Variants in GPR161 observed in about 807,000 individuals in gnomAD.
GPR161 encodes the protein G-protein coupled receptor RE2.
Under a neutral mutation model 39.2 loss-of-function variants are expected in GPR161, and 25 were observed. The observed-to-expected ratio is 0.64, with a 90% CI of 0.47 to 0.89. GPR161 has a LOEUF of 0.89. GPR161 is among the 40% of genes least tolerant of loss of function. The pLI is 0.00. For missense variants in GPR161, 547 were observed against 677.8 expected, an observed-to-expected ratio of 0.81 and a Z score of 2.14; for synonymous variants, 286 against 276.6, an observed-to-expected ratio of 1.03 and a Z score of -0.34.
At chr1:168,129,366 G>A (rs912261189) in intron 1 of GPR161, among the ~76,000 whole-genome samples, 1 of 152,178 alleles carries the variant, frequency 6.6e-6, no homozygotes, top group South Asian at 2.1e-4. Flanking sequence ...ACAGTCGGGG[G>A]CCAGATTACA....
chr1:168,087,751 C>T (rs1247395672), intron 4 of GPR161, 47 bp from the exon 5 acceptor site: 1 of 1,556,414 alleles, frequency 6.4e-7, no homozygotes, highest in Admixed American at 1.8e-5. Context: ...ATCTAAAGTC[C>T]TCCTGGCCTC....
intron 2 of GPR161, among the ~76,000 whole-genome samples, chr1:168,101,315 G>A (rs1327210597): frequency 1.3e-5 from 2 of 152,250 alleles, no homozygotes; most frequent in East Asian, 3.9e-4. Flanking sequence ...CTGGGTATAC[G>A]TGGCAACGTC....
At chr1:168,109,314 A>G (rs1422144215) in intron 1 of GPR161, among the ~76,000 whole-genome samples, 6 of 152,204 alleles carry the variant, frequency 3.9e-5, no homozygotes, top group Admixed American at 3.9e-4. Context: ...AAAAAGTCAA[A>G]CTTGAAAAAA....
chr1:168,108,055 A>ATGG (rs1184338182), intron 1 of GPR161, among the ~76,000 whole-genome samples: 1 of 152,230 alleles, frequency 6.6e-6, no homozygotes, highest in Non-Finnish European at 1.5e-5. Context: ...CTGTACAATT[A>ATGG]TGGTGCAGCA....
At chr1:168,105,708 C>T (rs1324824587) in intron 1 of GPR161, among the ~76,000 whole-genome samples, 1 of 151,994 alleles carries the variant, frequency 6.6e-6, no homozygotes, top group Non-Finnish European at 1.5e-5. Flanking sequence ...CAGTCCCTGC[C>T]CTCAGGAAAC....
At position 168,098,716 on chromosome 1, in the gene GPR161, ATT is replaced by A. The variant is rs1458032808; in HGVS notation, c.375-1486_375-1485del. The stretch of plus-strand genomic sequence containing the variant: ...CCAGGATCTATCCTGGAAAGAGAGC[ATT>A]TCCGGCTATGCGGCCTGAGGAGAAG... On this transcript the variant is annotated intron_variant, in intron 2 of 5. Transcript: ENST00000682931. The surrounding 1 kb of genome is among the most constrained non-coding windows in gnomAD (Gnocchi z 4.1). Among the ~76,000 whole-genome samples the A allele has an allele frequency of 6.6e-6, 1 of 152,206 alleles. No individual in the cohort carries two copies. The highest frequency in any genetic ancestry group is 1.5e-5 in the Non-Finnish European group (1 of 68,038).
At chr1:168,123,608 T>G (rs982916309) in intron 1 of GPR161, among the ~76,000 whole-genome samples, 1 of 150,342 alleles carries the variant, frequency 6.7e-6, no homozygotes, top group Non-Finnish European at 1.5e-5. Flanking sequence ...GAGTGGCCAT[T>G]AGACCCAGTC....
intron 3 of GPR161, among the ~76,000 whole-genome samples, chr1:168,094,646 C>T (rs973359715): frequency 1.3e-5 from 2 of 152,268 alleles, no homozygotes; most frequent in African/African-American, 4.8e-5. Flanking sequence ...GAAGAAAGAC[C>T]TATTTCATGA....
rs114166966 is a variant in GPR161, at chr1:168,120,742, C to A, written c.-44-15848G>T. ...GATAGTGGGGGAGTTCTCAGGAGAT[C>A]TGACGGTTTTAAAAGTGGCAGTTTC... On this transcript the variant is annotated intron_variant, in intron 1 of 5. Coordinates refer to ENST00000682931, the MANE Select transcript of GPR161 (RefSeq NM_001375883.1). Among the ~76,000 whole-genome samples, 897 of 152,156 alleles carry A rather than the reference C, an allele frequency of 5.9e-3. 11 individuals are homozygous for A. Among genetic ancestry groups the A allele is most frequent in the African/African-American group, 0.02 (835 of 41,528 alleles).
chr1:168,115,658 C>T (rs1349971933), intron 1 of GPR161, among the ~76,000 whole-genome samples: 1 of 152,180 alleles, frequency 6.6e-6, no homozygotes, highest in Non-Finnish European at 1.5e-5. Flanking sequence ...AAATCACAGG[C>T]CCGGGGTTAC....
At chr1:168,111,358 G>A (rs1421781825) in intron 1 of GPR161, among the ~76,000 whole-genome samples, 3 of 152,200 alleles carry the variant, frequency 2.0e-5, no homozygotes, top group Admixed American at 6.5e-5. Flanking sequence ...TAATCACTAT[G>A]TTCCCTTTCT....
At chr1:168,116,066 C>A (rs1194123902) in intron 1 of GPR161, among the ~76,000 whole-genome samples, 1 of 152,152 alleles carries the variant, frequency 6.6e-6, no homozygotes, top group Non-Finnish European at 1.5e-5. Context: ...CGTGAGCCAC[C>A]ACGCCCAGCC....
At chr1:168,126,544 T>C (rs937867701) in intron 1 of GPR161, among the ~76,000 whole-genome samples, 1 of 152,126 alleles carries the variant, frequency 6.6e-6, no homozygotes, top group Non-Finnish European at 1.5e-5. Flanking sequence ...CTCGAACTCT[T>C]GGACTCAGGT....
At chr1:168,137,286 C>G, upstream of GPR161, 2 of 1,519,460 alleles carry the variant, frequency 1.3e-6, no homozygotes, top group East Asian at 2.5e-5. Context: ...ATGTCTCTCT[C>G]CATCACACAG....
chr1:168,132,036 G>T (rs1699029545), intron 1 of GPR161, among the ~76,000 whole-genome samples: 1 of 152,170 alleles, frequency 6.6e-6, no homozygotes, highest in Non-Finnish European at 1.5e-5. Flanking sequence ...AGGCCGAGGT[G>T]GGCAAATCCC....
intron 2 of GPR161, among the ~76,000 whole-genome samples, chr1:168,103,928 C>T (rs1418598051): frequency 6.6e-6 from 1 of 152,242 alleles, no homozygotes; most frequent in Non-Finnish European, 1.5e-5. Context: ...CCTGACCTCC[C>T]CGTGCATCAG....
At chr1:168,089,392 T>A (rs1694845360) in intron 4 of GPR161, 1 of 152,136 alleles carries the variant, frequency 6.6e-6, no homozygotes, top group Admixed American at 6.5e-5. Flanking sequence ...AGATAAGGAA[T>A]TTTCCAAGGA....
At chr1:168,115,778 A>ATT (rs534629775) in intron 1 of GPR161, among the ~76,000 whole-genome samples, 5 of 143,870 alleles carry the variant, frequency 3.5e-5, no homozygotes, top group Non-Finnish European at 4.6e-5. Context: ...TCCAGAGAAA[A>ATT]TTTTTTTTTT....
chr1:168,119,592 G>A (rs1316992290), intron 1 of GPR161, among the ~76,000 whole-genome samples: 4 of 152,040 alleles, frequency 2.6e-5, no homozygotes, highest in East Asian at 1.9e-4. Flanking sequence ...ATGGCTGCAC[G>A]ACAATATGAA....
Sources: allele counts gnomAD v4.1 joint callset (sites outside exome capture counted in the v4.1 genomes callset), GRCh38; gene constraint gnomAD v4.1.1; non-coding constraint Gnocchi (gnomAD v3.1); transcripts MANE v1.5; gene names NCBI Gene and HGNC (gene_info 2026-07-23, HGNC 2026-07-21).